Variants in PTPN21 observed in about 807,000 individuals in gnomAD.
PTPN21 encodes protein tyrosine phosphatase non-receptor type 21.
PTPN21 carries 77 observed loss-of-function variants against 131.8 expected under a neutral mutation model. That is an observed-to-expected ratio of 0.58 (90% CI 0.49 to 0.71). The LOEUF (loss-of-function observed/expected upper bound fraction) is 0.71. Ranked by LOEUF, PTPN21 falls within the 30% of genes least tolerant of loss-of-function variation. PTPN21 has a pLI of 0.00. For synonymous variants in PTPN21, 715 were observed against 621.3 expected (o/e 1.15, Z -2.24); for missense variants, 1,552 against 1,527.1 (o/e 1.02, Z -0.27).
chr14:88,514,446 T>C (rs1314707011), intron 3 of PTPN21, among the ~76,000 whole-genome samples: 1 of 151,910 alleles, frequency 6.6e-6, no homozygotes, highest in East Asian at 1.9e-4. Flanking sequence ...AGATTGTTGT[T>C]CTCCCCCTTT....
chr14:88,492,945 C>T (rs1463775965), intron 10 of PTPN21: 2 of 374,934 alleles, frequency 5.3e-6, no homozygotes, highest in African/African-American at 4.2e-5. Context: ...ACAAGAGAGA[C>T]AGATCAAATG....
In PTPN21 at chr14:88,530,745, T is replaced by C. The variant is rs116073270; in HGVS notation, c.181-13484A>G. On this transcript the variant is annotated intron_variant, in intron 2 of 18. Coordinates refer to ENST00000556564, the MANE Select transcript of PTPN21 (RefSeq NM_007039.4). ...GTCCAACAGGAAAATATTACCATCCTAGATATATATGCACCTAACACTGGA... is the reference window on the plus strand; with the variant it reads ...GTCCAACAGGAAAATATTACCATCCCAGATATATATGCACCTAACACTGGA... Among the ~76,000 whole-genome samples, 699 of 152,200 alleles carry C rather than the reference T, an allele frequency of 4.6e-3. 7 individuals are homozygous for C. Among genetic ancestry groups the C allele is most frequent in the African/African-American group, 0.016 (644 of 41,526 alleles).
intron 2 of PTPN21, among the ~76,000 whole-genome samples, chr14:88,525,023 G>A (rs537109244): frequency 5.9e-5 from 9 of 152,200 alleles, no homozygotes; most frequent in Non-Finnish European, 8.8e-5. Context: ...CAGGAGGACT[G>A]CTTGAGCTCA....
chr14:88,470,992 A>G (rs190048486), intron 15 of PTPN21, among the ~76,000 whole-genome samples: 1 of 152,328 alleles, frequency 6.6e-6, no homozygotes, highest in Admixed American at 6.5e-5. Flanking sequence ...AGATTTTGAA[A>G]TATCACTACA....
chr14:88,472,053 G>A (rs185501711), intron 15 of PTPN21, among the ~76,000 whole-genome samples, 191 bp downstream of exon 15: 196 of 152,282 alleles, frequency 1.3e-3, no homozygotes, highest in African/African-American at 4.3e-3. Flanking sequence ...TCTAGCACTG[G>A]TATGTGGATT....
chr14:88,471,804 A>C (rs2077473355), intron 15 of PTPN21, among the ~76,000 whole-genome samples: 1 of 152,214 alleles, frequency 6.6e-6, no homozygotes, highest in African/African-American at 2.4e-5. Context: ...TCAGATTTAG[A>C]AGGACAAAGT....
intron 10 of PTPN21, among the ~76,000 whole-genome samples, chr14:88,495,379 G>A (rs2077895584): frequency 6.6e-6 from 1 of 152,182 alleles, no homozygotes. Flanking sequence ...GCTCAAGGAG[G>A]GCCGGGCACG....
chr14:88,534,411 AAAAC>A (rs2078599713), intron 2 of PTPN21, among the ~76,000 whole-genome samples: 1 of 152,132 alleles, frequency 6.6e-6, no homozygotes, highest in South Asian at 2.1e-4. Context: ...TAAAAAGTAA[AAAAC>A]AAAAAAATAC....
At chr14:88,545,422 C>G (rs1192046924) in intron 2 of PTPN21, among the ~76,000 whole-genome samples, 1 of 152,198 alleles carries the variant, frequency 6.6e-6, no homozygotes, top group Admixed American at 6.5e-5. Context: ...CTGATTCCGT[C>G]AAGGTGATGC....
intron 3 of PTPN21, 82 bp from the exon 4 acceptor site, chr14:88,508,102 G>T: frequency 1.4e-6 from 1 of 724,912 alleles, no homozygotes; most frequent in Non-Finnish European, 2.2e-6. Context: ...ATTTGGTAGA[G>T]AAGCATAAAC....
rs150660725 is a variant in PTPN21 at position 88,488,578 on chromosome 14, G to A, written c.933-2736C>T. On this transcript the variant is annotated intron_variant, in intron 10 of 18. Transcript: ENST00000556564. ...CTGTGGTTTCCAAACTTTTTGGGCA[G>A]TTACTATGTTGATGGGTGCTGCTAA... Among the ~76,000 whole-genome samples, 378 of 152,316 alleles carry A rather than the reference G, an allele frequency of 2.5e-3. 7 individuals carry two copies. Among genetic ancestry groups the A allele is most frequent in the Non-Finnish European group, 2.9e-3 (199 of 68,022 alleles).
At chr14:88,478,811 A>C in intron 13 of PTPN21, 109 bp downstream of exon 13, 1 of 622,322 alleles carries the variant, frequency 1.6e-6, no homozygotes. Context: ...GGGAATGAAG[A>C]ACGTTAAAAG....
chr14:88,541,554 T>C (rs187360369), intron 2 of PTPN21, among the ~76,000 whole-genome samples: 4 of 152,306 alleles, frequency 2.6e-5, no homozygotes, highest in African/African-American at 9.6e-5. Context: ...ACATACCTGC[T>C]GCCTAGCAGG....
rs768891391 is a variant in PTPN21 at position 88,479,498 on chromosome 14, G to A, written c.1933C>T (p.His645Tyr). 4 of 1,601,224 alleles carry A rather than the reference G, an allele frequency of 2.5e-6. No individual in the cohort carries two copies. Among genetic ancestry groups the A allele is most frequent in the Non-Finnish European group, 3.4e-6 (4 of 1,179,214 alleles). ...TTGAGCCGCAGGCCCTCCAGGCCGTGGCTGAGCCCGGCCACCTCGATGCTG... is the reference window on the plus strand; with the variant it reads ...TTGAGCCGCAGGCCCTCCAGGCCGTAGCTGAGCCCGGCCACCTCGATGCTG... ...RNSIEVAGLS[H>Y]GLEGLRLKER... Residue 645 changes from histidine to tyrosine, a missense_variant, in exon 13 of 19, where the codon CAC (histidine) becomes TAC (tyrosine). Transcript: ENST00000556564.
At chr14:88,533,250 G>A (rs1401747739) in intron 2 of PTPN21, among the ~76,000 whole-genome samples, 1 of 152,122 alleles carries the variant, frequency 6.6e-6, no homozygotes, top group Non-Finnish European at 1.5e-5. Context: ...TTTTTTGAAA[G>A]GTTTAACTAG....
rs143562455 is a variant in PTPN21 at position 88,469,730 on chromosome 14, C to G, written c.3004G>C (p.Gly1002Arg). The G allele has an allele frequency of 4.3e-6, 7 of 1,613,978 alleles. No individual in the cohort carries two copies. Among genetic ancestry groups the G allele is most frequent in the Non-Finnish European group, 5.9e-6 (7 of 1,179,870 alleles). The change falls in exon 17 of 19, where the codon GGT (glycine) becomes CGT (arginine). Residue 1002 changes from glycine (G) to arginine (R), a missense_variant. Transcript: ENST00000556564. The surrounding 1 kb of genome is among the most constrained non-coding windows in gnomAD (Gnocchi z 4.3). ...TACCTAAAGCTCTTCTCCCTTCCAC[C>G]CTCCTGTTAAAGATGAGCATGGTTA... The part of the protein sequence containing the change: ...IIAMVTAEEE[G>R]GREKSFRYWP...
At chr14:88,549,826 G>A (rs562712797) in intron 2 of PTPN21, among the ~76,000 whole-genome samples, 3 of 150,636 alleles carry the variant, frequency 2.0e-5, no homozygotes, top group East Asian at 2.0e-4. Flanking sequence ...GCAGTGGAGC[G>A]ATCTCGGCTC....
chr14:88,512,487 A>C (rs949123940), intron 3 of PTPN21: 2 of 152,210 alleles, frequency 1.3e-5, no homozygotes, highest in Non-Finnish European at 2.9e-5. Context: ...ACAGAAATGG[A>C]GCCATTTGTC....
intron 5 of PTPN21, 127 bp from the exon 6 acceptor site, chr14:88,504,622 G>A: frequency 1.5e-6 from 1 of 685,890 alleles, no homozygotes; most frequent in Non-Finnish European, 2.5e-6. Flanking sequence ...TACTATATGG[G>A]AGCTTTGTTT....
Sources: gnomAD v4.1 joint callset for allele counts (sites outside exome capture counted in the v4.1 genomes callset) on GRCh38, gnomAD v4.1.1 for gene constraint, Gnocchi (gnomAD v3.1) non-coding constraint, MANE v1.5 for transcripts, NCBI Gene and HGNC (gene_info 2026-07-23, HGNC 2026-07-21) for gene names.